Variants in CRTC3 observed in about 807,000 individuals in gnomAD.
CRTC3 encodes CREB regulated transcription coactivator 3.
In CRTC3, 26 loss-of-function variants were observed where a neutral mutation model predicts 74.5. That is an observed-to-expected ratio of 0.35 (90% CI 0.26 to 0.48). The LOEUF (loss-of-function observed/expected upper bound fraction) is 0.48, where lower values mean the gene tolerates loss of function less well. Ranked by LOEUF, CRTC3 falls within the 20% of genes least tolerant of loss-of-function variation. CRTC3 has a pLI of 0.99. For synonymous variants in CRTC3, 377 were observed against 325.8 expected (o/e 1.16, Z -1.69); for missense variants, 760 against 787.3 (o/e 0.97, Z 0.41).
At chr15:90,553,453 A>C (rs184070365) in intron 2 of CRTC3, among the ~76,000 whole-genome samples, 90 of 152,342 alleles carry the variant, frequency 5.9e-4, no homozygotes, top group African/African-American at 2.1e-3. Flanking sequence ...TCCATATTCG[A>C]ATCATTTTTC....
chr15:90,581,537 G>T lies in CRTC3; in HGVS notation c.232-12099G>T, dbSNP rs75798843. ...AACACAGCCTTCATCTCTTTTTTTG[G>T]CATATATGTAGAAGTTATTGAGTTA... On this transcript the variant is annotated intron_variant, in intron 2 of 14. Transcript: ENST00000268184. Among the ~76,000 whole-genome samples, 1,315 of 151,962 alleles carry T rather than the reference G, an allele frequency of 8.7e-3. 47 individuals are homozygous for T. In the East Asian group the frequency reaches 0.12, roughly 13 times the overall value.
At chr15:90,558,612 C>G (rs982739344) in intron 2 of CRTC3, among the ~76,000 whole-genome samples, 3 of 152,080 alleles carry the variant, frequency 2.0e-5, no homozygotes, top group African/African-American at 7.2e-5. Flanking sequence ...TTCCTCACTT[C>G]CCTCAGCTCC....
chr15:90,638,776 C>T lies in CRTC3; in HGVS notation c.1509C>T (p.Asp503=), dbSNP rs375031736. The T allele has an allele frequency of 3.7e-6, 6 of 1,614,066 alleles. No homozygotes were observed. The highest frequency in any genetic ancestry group is 3.3e-5 in the Admixed American group (2 of 60,014). ...LTNFFPDVGF[D]QQSMRPGPAF... Reference sequence around the variant, plus strand: ...ACTTCTTCCCAGATGTGGGTTTTGACCAGCAGTCCATGAGGCCAGGCCCTG... The same window carrying T: ...ACTTCTTCCCAGATGTGGGTTTTGATCAGCAGTCCATGAGGCCAGGCCCTG... The change falls in exon 13 of 15, where the codon GAC becomes GAT. Residue 503 remains aspartate (D), a synonymous_variant. Transcript: ENST00000268184.
chr15:90,571,691 C>T (rs1967269969), intron 2 of CRTC3, among the ~76,000 whole-genome samples: 1 of 152,108 alleles, frequency 6.6e-6, no homozygotes, highest in Non-Finnish European at 1.5e-5. Context: ...GTAAAAGTCT[C>T]CCCTTCTCTA....
intron 9 of CRTC3, among the ~76,000 whole-genome samples, chr15:90,622,690 A>C (rs1195469078): frequency 6.6e-6 from 1 of 152,012 alleles, no homozygotes; most frequent in African/African-American, 2.4e-5. Flanking sequence ...GTCTCTACTA[A>C]AAATACAAAA....
chr15:90,574,114 C>T (rs904547290), intron 2 of CRTC3, among the ~76,000 whole-genome samples: 6 of 152,150 alleles, frequency 3.9e-5, no homozygotes, highest in African/African-American at 1.4e-4. Flanking sequence ...TTTTATATGA[C>T]TTTGTCATAA....
chr15:90,634,830 A>G, intron 11 of CRTC3: 1 of 1,526,294 alleles, frequency 6.6e-7, no homozygotes, highest in Non-Finnish European at 9.0e-7. Flanking sequence ...GCTTCCAGAA[A>G]AATCTCAAGG....
chr15:90,575,742 C>A (rs1967388814), intron 2 of CRTC3, among the ~76,000 whole-genome samples: 1 of 152,080 alleles, frequency 6.6e-6, no homozygotes, highest in East Asian at 1.9e-4. Flanking sequence ...TTTTAGAAAC[C>A]TGGTAAGATT....
chr15:90,557,795 A>G (rs1191978140), intron 2 of CRTC3, among the ~76,000 whole-genome samples: 1 of 152,136 alleles, frequency 6.6e-6, no homozygotes, highest in Non-Finnish European at 1.5e-5. Context: ...TTTGGCCTCA[A>G]GTCACCATTG....
chr15:90,539,016 C>T (rs932570889), intron 1 of CRTC3, among the ~76,000 whole-genome samples: 3 of 152,036 alleles, frequency 2.0e-5, no homozygotes, highest in African/African-American at 4.8e-5. Flanking sequence ...GCCAAGTGTC[C>T]GAGAACAGCA....
rs940665879 is a variant in CRTC3, at chr15:90,644,963, G to A, written c.*2823G>A. The A allele has an allele frequency of 4.3e-6, 1 of 232,350 alleles. No individual in the cohort carries two copies. Among genetic ancestry groups the A allele is most frequent in the African/African-American group, 2.2e-5 (1 of 45,262 alleles). 14.4% of individuals were successfully genotyped at this position (232,350 alleles called of 1,614,324 possible). ...ATGGTTGTGGGTTTTAGGACATAGGGGGTTAGGAGAAGGGGTTTCTTGATC... is the reference window on the plus strand; with the variant it reads ...ATGGTTGTGGGTTTTAGGACATAGGAGGTTAGGAGAAGGGGTTTCTTGATC... On this transcript the variant is annotated 3_prime_UTR_variant, in exon 15 of 15. Coordinates refer to ENST00000268184, the MANE Select transcript of CRTC3 (RefSeq NM_022769.5).
intron 1 of CRTC3, among the ~76,000 whole-genome samples, chr15:90,535,443 A>T (rs1249538102): frequency 6.6e-6 from 1 of 152,122 alleles, no homozygotes; most frequent in East Asian, 1.9e-4. Flanking sequence ...TCGGTGAGAG[A>T]TGCTGTATTC....
At chr15:90,591,102 G>A (rs952490111) in intron 2 of CRTC3, among the ~76,000 whole-genome samples, 2 of 148,452 alleles carry the variant, frequency 1.3e-5, no homozygotes, top group Non-Finnish European at 3.0e-5. Flanking sequence ...CTACAGGTGG[G>A]CACCACCACG....
intron 4 of CRTC3, 97 bp downstream of exon 4, chr15:90,602,482 T>G: frequency 1.4e-6 from 1 of 738,478 alleles, no homozygotes; most frequent in South Asian, 1.6e-5. Context: ...ATTTCTAATA[T>G]AAAGCATAGA....
chr15:90,563,108 A>G (rs1487432819), intron 2 of CRTC3, among the ~76,000 whole-genome samples: 1 of 152,176 alleles, frequency 6.6e-6, no homozygotes, highest in African/African-American at 2.4e-5. Flanking sequence ...TAGAACTAGC[A>G]TTTAAAAGTT....
At chr15:90,610,255 A>G (rs1968325884) in intron 6 of CRTC3, among the ~76,000 whole-genome samples, 1 of 152,230 alleles carries the variant, frequency 6.6e-6, no homozygotes, top group Non-Finnish European at 1.5e-5. Flanking sequence ...AGAAAGATTT[A>G]AACAGTGATG....
At chr15:90,550,936 C>A (rs1040941272) in intron 2 of CRTC3, among the ~76,000 whole-genome samples, 13 of 151,942 alleles carry the variant, frequency 8.6e-5, no homozygotes, top group Non-Finnish European at 1.9e-4. Context: ...GAGAAGCTTA[C>A]GGAATGAAAC....
intron 9 of CRTC3, 72 bp from the exon 10 acceptor site, chr15:90,625,704 G>A (rs1372711313): frequency 7.4e-7 from 1 of 1,356,484 alleles, no homozygotes; most frequent in African/African-American, 1.4e-5. Flanking sequence ...CAAGGAAAAG[G>A]TTTCAGCCAT....
chr15:90,590,328 T>G (rs1207491245), intron 2 of CRTC3, among the ~76,000 whole-genome samples: 19 of 151,814 alleles, frequency 1.3e-4, no homozygotes, highest in Admixed American at 1.1e-3. Context: ...AAGAAAATAC[T>G]GTATGTACTC....
Sources: allele counts gnomAD v4.1 joint callset (sites outside exome capture counted in the v4.1 genomes callset), GRCh38; gene constraint gnomAD v4.1.1; transcripts MANE v1.5; gene names NCBI Gene and HGNC (gene_info 2026-07-23, HGNC 2026-07-21).